RERGL: variants seen among roughly 807,000 people sequenced by gnomAD.
The protein encoded by RERGL is ras-related and estrogen-regulated growth inhibitor-like protein.
Under a neutral mutation model 24.7 loss-of-function variants are expected in RERGL, and 22 were observed. The observed-to-expected ratio is 0.89, with a 90% CI of 0.64 to 1.27. RERGL has a LOEUF of 1.27. RERGL is among the 50% of genes most tolerant of loss of function. The pLI, the probability that RERGL is intolerant of heterozygous loss-of-function variation, is 0.00. For synonymous variants in RERGL, 76 were observed against 82.6 expected (o/e 0.92, Z 0.43); for missense variants, 259 against 235.3 (o/e 1.10, Z -0.66).
intron 3 of RERGL, among the ~76,000 whole-genome samples, 192 bp from the exon 4 acceptor site, chr12:18,084,857 C>G (rs1947205307): frequency 6.6e-6 from 1 of 152,160 alleles, no homozygotes; most frequent in Admixed American, 6.5e-5. Flanking sequence ...AAATGTAAAA[C>G]AGAACTATAA....
At chr12:18,085,935 G>A (rs1017909923) in intron 2 of RERGL, among the ~76,000 whole-genome samples, 3 of 140,828 alleles carry the variant, frequency 2.1e-5, no homozygotes, top group Non-Finnish European at 3.0e-5. Flanking sequence ...TCGGCTCACC[G>A]CAAGCTCCGC....
Position 18,085,204 on chromosome 12 carries a change from T to C in RERGL, c.183+416A>G, listed in dbSNP as rs183577031. Reference sequence around the variant, plus strand: ...ATCCCATTTTAACTGTTTTCCCATATGAATAGACAAGGAGGTTTGTACTTA... The same window carrying C: ...ATCCCATTTTAACTGTTTTCCCATACGAATAGACAAGGAGGTTTGTACTTA... On this transcript the variant is annotated intron_variant, in intron 3 of 4. Transcript: ENST00000538724. Among the ~76,000 whole-genome samples, 250 of 152,316 alleles carry C rather than the reference T, an allele frequency of 1.6e-3. 1 individual carries two copies. Among genetic ancestry groups the C allele is most frequent in the Middle Eastern group, 3.4e-3 (1 of 294 alleles).
chr12:18,089,464 T>A (rs1947250153), intron 1 of RERGL: 1 of 977,852 alleles, frequency 1.0e-6, no homozygotes, highest in Non-Finnish European at 1.4e-6. Context: ...CCAGTTAAGA[T>A]GCTATGATTC....
At chr12:18,089,746 T>A (rs1045196651) in intron 1 of RERGL, among the ~76,000 whole-genome samples, 11 of 152,236 alleles carry the variant, frequency 7.2e-5, no homozygotes, top group Admixed American at 2.0e-4. Context: ...CTAGTGGGTA[T>A]AAGGCAAGTG....
intron 2 of RERGL, among the ~76,000 whole-genome samples, chr12:18,088,372 C>T (rs1180765110): frequency 2.0e-5 from 3 of 151,954 alleles, no homozygotes; most frequent in African/African-American, 7.2e-5. Context: ...GAGAAATAAT[C>T]TTAAAATTAT....
intron 2 of RERGL, among the ~76,000 whole-genome samples, chr12:18,087,561 T>A (rs1947232048): frequency 6.6e-6 from 1 of 152,220 alleles, no homozygotes; most frequent in Admixed American, 6.5e-5. Context: ...TTTGCTAGTT[T>A]GCCCTCATAG....
chr12:18,085,630 G>T lies in RERGL; in HGVS notation c.173C>A (p.Pro58His). 1 of 1,578,236 alleles carries T rather than the reference G, an allele frequency of 6.3e-7. No individual in the cohort carries two copies. The highest frequency in any genetic ancestry group is 8.7e-7 in the Non-Finnish European group (1 of 1,154,724). ...RKQLNLEIYD[P>H]CSQTQKAKFS... ...TTTTGTTTTACTTACTTGAGAACAA[G>T]GGTCATATATTTCTAGATTTAGTTG... Residue 58 changes from proline to histidine, a missense_variant, in exon 3 of 5, where the codon CCT becomes CAT. Physicochemically the swap from Pro to His is moderately conservative, Grantham distance 77 (BLOSUM62 -2). Transcript: ENST00000538724.
At chr12:18,083,245 T>A (rs1335986902) in intron 4 of RERGL, among the ~76,000 whole-genome samples, 1 of 152,176 alleles carries the variant, frequency 6.6e-6, no homozygotes, top group Non-Finnish European at 1.5e-5. Context: ...CTAGTCTTTT[T>A]ACAGATTGAG....
chr12:18,084,297 A>G (rs1357174400), intron 4 of RERGL, among the ~76,000 whole-genome samples: 3 of 152,184 alleles, frequency 2.0e-5, no homozygotes, highest in African/African-American at 7.2e-5. Flanking sequence ...TAAAATAGCC[A>G]TTTACTCGGG....
rs370962289 is a variant in RERGL at position 18,089,006 on chromosome 12, C to G, written c.53-50G>C. 6.1e-5 allele frequency: 90 copies of G among 1,464,774 alleles called. No individual in the cohort carries two copies. The African/African-American group carries it at 1.1e-3, about 18-fold the overall frequency. 90.7% of individuals were successfully genotyped at this position (1,464,774 alleles called of 1,614,324 possible). ...AGGGCTGTTATATTTTAGGAAACAG[C>G]TAATTTGGTTATGTGCATAAGGCTT... is the stretch of plus-strand genomic sequence containing the variant. On this transcript the variant is annotated intron_variant, in intron 1 of 4. Transcript: ENST00000538724.
intron 2 of RERGL, among the ~76,000 whole-genome samples, chr12:18,086,997 T>C (rs1947227584): frequency 6.6e-6 from 1 of 152,220 alleles, no homozygotes; most frequent in Admixed American, 6.5e-5. Context: ...GATTATTTAT[T>C]TGTCTTATGT....
chr12:18,086,718 CT>C (rs1947225535), intron 2 of RERGL, among the ~76,000 whole-genome samples: 1 of 152,114 alleles, frequency 6.6e-6, no homozygotes, highest in Non-Finnish European at 1.5e-5. Flanking sequence ...CTTTTCAGAT[CT>C]CTTCTAGTCC....
intron 2 of RERGL, among the ~76,000 whole-genome samples, chr12:18,086,676 C>G (rs1225405528): frequency 6.6e-6 from 1 of 152,116 alleles, no homozygotes; most frequent in Non-Finnish European, 1.5e-5. Context: ...AAACATGGAT[C>G]AAGTTCATAG....
chr12:18,083,306 T>C (rs190982192), intron 4 of RERGL, among the ~76,000 whole-genome samples: 27 of 152,252 alleles, frequency 1.8e-4, no homozygotes, highest in Admixed American at 1.2e-3. Flanking sequence ...AAATATTTCC[T>C]GAAAAATGTC....
At chr12:18,088,857 T>C (rs1401595695) in intron 2 of RERGL, 43 bp downstream of exon 2, 2 of 1,185,028 alleles carry the variant, frequency 1.7e-6, no homozygotes, top group African/African-American at 3.0e-5. Flanking sequence ...TTAATTACGA[T>C]GTTAAAAGTT....
Position 18,090,086 on chromosome 12 carries a change from C to T in RERGL, c.52+3G>A, listed in dbSNP as rs1444225580. 2.6e-6 allele frequency: 4 copies of T among 1,531,962 alleles called. No individual in the cohort carries two copies. The highest frequency in any genetic ancestry group is 3.5e-6 in the Non-Finnish European group (4 of 1,145,068). The allele number at this position is 1,531,962 out of a possible 1,614,324, so 94.9% of individuals were successfully genotyped here. On this transcript the variant is annotated splice_donor_region_variant and intron_variant, in intron 1 of 4. Coordinates refer to ENST00000538724, the MANE Select transcript of RERGL (RefSeq NM_001286201.2). The stretch of plus-strand genomic sequence containing the variant: ...TGATAACAGAGAAGATGTCACCACT[C>T]ACCAGATTTGCCTGTTCCTTCACCA...
chr12:18,081,527 T>TA (rs3054570), intron 4 of RERGL, 54 bp from the exon 5 acceptor site: 19,872 of 1,088,492 alleles, frequency 0.018, 197 homozygotes, highest in African/African-American at 0.089. Context: ...CTCTTTTTTT[T>TA]AAAAAAAAAA....
intron 2 of RERGL, 76 bp downstream of exon 2, chr12:18,088,824 G>T: frequency 1.1e-6 from 1 of 908,538 alleles, no homozygotes; most frequent in Non-Finnish European, 1.8e-6. Context: ...CTATCAAAAT[G>T]CATCTCTGTA....
At chr12:18,083,771 T>G (rs748826274) in intron 4 of RERGL, among the ~76,000 whole-genome samples, 6 of 152,178 alleles carry the variant, frequency 3.9e-5, no homozygotes, top group African/African-American at 7.2e-5. Flanking sequence ...ATTAGAATAC[T>G]ATTTAGATTC....
Sources: allele counts gnomAD v4.1 joint callset (sites outside exome capture counted in the v4.1 genomes callset), GRCh38; gene constraint gnomAD v4.1.1; transcripts MANE v1.5; gene names NCBI Gene and HGNC (gene_info 2026-07-23, HGNC 2026-07-21).